Variants in OXNAD1 observed in about 807,000 individuals in gnomAD.
OXNAD1 encodes oxidoreductase NAD binding domain containing 1.
In OXNAD1, 34 loss-of-function variants were observed where a neutral mutation model predicts 32.9. The ratio of observed to expected loss-of-function variants is 1.03; its 90% CI spans 0.79 to 1.38. OXNAD1 has a LOEUF of 1.38. Ranked by LOEUF, OXNAD1 falls within the 40% of genes most tolerant of loss-of-function variation. OXNAD1 has a pLI of 0.00. For missense variants in OXNAD1, 407 were observed against 379.4 expected, an observed-to-expected ratio of 1.07 and a Z score of -0.60; for synonymous variants, 134 against 135.2, an observed-to-expected ratio of 0.99 and a Z score of 0.06.
chr3:16,326,911 G>C (rs2069758262), intron 9 of OXNAD1: 1 of 1,534,540 alleles, frequency 6.5e-7, no homozygotes, highest in Non-Finnish European at 9.0e-7. Context: ...GGCTGCTGCT[G>C]CCACAAGCCA....
chr3:16,325,979 A>T (rs1229113425), intron 9 of OXNAD1, among the ~76,000 whole-genome samples: 1 of 152,244 alleles, frequency 6.6e-6, no homozygotes, highest in African/African-American at 2.4e-5. Flanking sequence ...CTGATTCTGC[A>T]GACTGAGGTT....
Position 16,305,749 on chromosome 3 carries a change from C to T in OXNAD1, c.*2187C>T, listed in dbSNP as rs534020951. 2.0e-5 allele frequency: 3 copies of T among 152,234 alleles called. No homozygotes were observed. The highest frequency in any genetic ancestry group is 7.2e-5 in the African/African-American group (3 of 41,522). 9.4% of individuals were successfully genotyped at this position (152,234 alleles called of 1,614,324 possible). Reference sequence around the variant, plus strand: ...AGCAAGTCACTTAACTGCTCTATGCCTCATTTAAAATTACATACAACTACA... The same window carrying T: ...AGCAAGTCACTTAACTGCTCTATGCTTCATTTAAAATTACATACAACTACA... On this transcript the variant is annotated 3_prime_UTR_variant, in exon 9 of 9. Coordinates refer to ENST00000285083, the MANE Select transcript of OXNAD1 (RefSeq NM_138381.5). The surrounding 1 kb of genome is among the most constrained non-coding windows in gnomAD (Gnocchi z 4.5).
chr3:16,278,559 C>G (rs1435918469), intron 4 of OXNAD1, among the ~76,000 whole-genome samples: 1 of 152,214 alleles, frequency 6.6e-6, no homozygotes, highest in African/African-American at 2.4e-5. Flanking sequence ...CTTTCACTCT[C>G]AAAATTATTC....
downstream of OXNAD1, among the ~76,000 whole-genome samples, chr3:16,351,519 G>T (rs1359566792): frequency 3.3e-5 from 5 of 152,162 alleles, no homozygotes; most frequent in Admixed American, 3.3e-4. This position sits in a 1 kb window ranked among gnomAD's most constrained non-coding sequence, Gnocchi z 5.4. Flanking sequence ...AAGTCTGCGG[G>T]GTTGCAGAGG....
At position 16,304,479 on chromosome 3, in the gene OXNAD1, G is replaced by GT. The variant is rs369328842; in HGVS notation, c.*921dup. 29 of 152,356 alleles carry GT rather than the reference G, an allele frequency of 1.9e-4. No homozygotes were observed. Among genetic ancestry groups the GT allele is most frequent in the African/African-American group, 6.7e-4 (28 of 41,592 alleles). 9.4% of individuals were successfully genotyped at this position (152,356 alleles called of 1,614,324 possible). A position where few individuals can be genotyped will look rare whatever the true frequency, so the allele number is the denominator to read the frequency against. ...GAATGACTGAAAGAAAGCAACTAAT[G>GT]TTTTAACTCCTTGCTAAGTCTGAGA... On this transcript the variant is annotated 3_prime_UTR_variant, in exon 9 of 9. Coordinates refer to ENST00000285083, the MANE Select transcript of OXNAD1 (RefSeq NM_138381.5). This position sits in a 1 kb window ranked among gnomAD's most constrained non-coding sequence, Gnocchi z 4.6.
chr3:16,328,426 A>C (rs1011310916), intron 9 of OXNAD1, among the ~76,000 whole-genome samples: 1 of 152,182 alleles, frequency 6.6e-6, no homozygotes, highest in Non-Finnish European at 1.5e-5. Flanking sequence ...GGCGAGTGGG[A>C]TGGAAGGCAG....
intron 6 of OXNAD1, among the ~76,000 whole-genome samples, chr3:16,300,013 G>A (rs2067066445): frequency 6.6e-6 from 1 of 152,154 alleles, no homozygotes; most frequent in Non-Finnish European, 1.5e-5. Context: ...CATTTTCCAG[G>A]GGTGGCAGAT....
At chr3:16,268,174 T>G (rs2124956922) in intron 1 of OXNAD1, among the ~76,000 whole-genome samples, 1 of 152,258 alleles carries the variant, frequency 6.6e-6, no homozygotes, top group Admixed American at 6.5e-5. Context: ...TTTTTATATT[T>G]TATTTAAAGG....
At chr3:16,300,932 A>T (rs995057096) in intron 6 of OXNAD1, among the ~76,000 whole-genome samples, 1 of 152,132 alleles carries the variant, frequency 6.6e-6, no homozygotes, top group African/African-American at 2.4e-5. Flanking sequence ...AAGCAGTAGC[A>T]CCCCCACTGA....
chr3:16,320,578 C>T lies in OXNAD1; in HGVS notation c.*31-16534C>T, dbSNP rs994196057. ...AATAATGATCACAAATAACTAAAAG[C>T]CCAAAGGAGAGCTCTGAAGGAGAAG... is the stretch of plus-strand genomic sequence containing the variant. On this transcript the variant is annotated intron_variant, in intron 9 of 9. Transcript: ENST00000435829. The surrounding 1 kb of genome is among the most constrained non-coding windows in gnomAD (Gnocchi z 4.5). 6.6e-6 allele frequency among the ~76,000 whole-genome samples: 1 copy of T among 152,186 alleles called. No individual in the cohort carries two copies. The highest frequency in any genetic ancestry group is 2.4e-5 in the African/African-American group (1 of 41,436).
Position 16,327,339 on chromosome 3 carries a change from C to G in OXNAD1, c.*31-9773C>G, listed in dbSNP as rs690085. Among the ~76,000 whole-genome samples the G allele has an allele frequency of 6.6e-6, 1 of 152,032 alleles. No homozygotes were observed. The highest frequency in any genetic ancestry group is 1.5e-5 in the Non-Finnish European group (1 of 67,994). ...ACAGCAACACACACATGCACATCCA[C>G]ATGTGTGTGTACACGCAGAAGCTGC... On this transcript the variant is annotated intron_variant, in intron 9 of 9. Coordinates refer to the OXNAD1 transcript ENST00000435829. The surrounding 1 kb of genome is among the most constrained non-coding windows in gnomAD (Gnocchi z 4.2).
chr3:16,292,910 T>G (rs1225311218), intron 5 of OXNAD1, among the ~76,000 whole-genome samples: 1 of 152,212 alleles, frequency 6.6e-6, no homozygotes, highest in Non-Finnish European at 1.5e-5. Flanking sequence ...TACAACAGCA[T>G]TTTCATTACT....
rs573689460 is a variant in OXNAD1, at chr3:16,302,528, C to G, written c.676-112C>G. 4 of 703,544 alleles carry G rather than the reference C, an allele frequency of 5.7e-6. No homozygotes were observed. Among genetic ancestry groups the G allele is most frequent in the Middle Eastern group, 3.9e-4 (1 of 2,554 alleles). The allele number at this position is 703,544 out of a possible 1,614,324, so 43.6% of individuals were successfully genotyped here. ...AAACAATATCTCTCTAAGTAGAGAG[C>G]GAGAGCGGCAGACGTGTGCAGAATG... On this transcript the variant is annotated intron_variant, in intron 7 of 8. Coordinates refer to ENST00000285083, the MANE Select transcript of OXNAD1 (RefSeq NM_138381.5). The surrounding 1 kb of genome is among the most constrained non-coding windows in gnomAD (Gnocchi z 4.2).
rs1452069865 is a variant in OXNAD1, at chr3:16,301,147, T to G, written c.433-479T>G. Among the ~76,000 whole-genome samples the G allele has an allele frequency of 6.6e-6, 1 of 152,230 alleles. No individual in the cohort carries two copies. Among genetic ancestry groups the G allele is most frequent in the African/African-American group, 2.4e-5 (1 of 41,464 alleles). On this transcript the variant is annotated intron_variant, in intron 6 of 8. Coordinates refer to ENST00000285083, the MANE Select transcript of OXNAD1 (RefSeq NM_138381.5). This position sits in a 1 kb window ranked among gnomAD's most constrained non-coding sequence, Gnocchi z 4.1. ...TAGAGCTGGTCTGGCTGTGCCTTAC[T>G]GAGGATCAAGAAGGAGCACCAGTAC...
At position 16,302,658 on chromosome 3, in the gene OXNAD1, G is replaced by A. The variant is rs367677916; in HGVS notation, c.694G>A (p.Val232Ile). ...ATTCCAGAAAAATATCCTTGATTTA[G>A]TAAATGAATTTCCTGAGAAGATTGC... ...LLFKKNILDLVNEFPEKIACS... is the reference protein window; with the variant it reads ...LLFKKNILDLINEFPEKIACS... Residue 232 changes from valine (V) to isoleucine (I), a missense_variant, in exon 8 of 9, where the codon GTA (valine) becomes ATA (isoleucine). Coordinates refer to ENST00000285083, the MANE Select transcript of OXNAD1 (RefSeq NM_138381.5). This position sits in a 1 kb window ranked among gnomAD's most constrained non-coding sequence, Gnocchi z 4.2. 5 of 1,611,392 alleles carry A rather than the reference G, an allele frequency of 3.1e-6. No homozygotes were observed. Among genetic ancestry groups the A allele is most frequent in the East Asian group, 2.2e-5 (1 of 44,740 alleles).
In OXNAD1 at chr3:16,290,748, C is replaced by T. The variant is rs1321285443; in HGVS notation, c.291-4108C>T. 6.6e-6 allele frequency among the ~76,000 whole-genome samples: 1 copy of T among 152,174 alleles called. No homozygotes were observed. The highest frequency in any genetic ancestry group is 1.5e-5 in the Non-Finnish European group (1 of 68,026). ...CCAAAGACCTTTTCTGGAGCACTTC[C>T]AATCCAGAACTGGTTTTTAAACACT... is the stretch of plus-strand genomic sequence containing the variant. On this transcript the variant is annotated intron_variant, in intron 5 of 8. Coordinates refer to ENST00000285083, the MANE Select transcript of OXNAD1 (RefSeq NM_138381.5). The surrounding 1 kb of genome is among the most constrained non-coding windows in gnomAD (Gnocchi z 4.2).
chr3:16,282,505 TCTAG>T (rs2065816467), intron 4 of OXNAD1, among the ~76,000 whole-genome samples: 2 of 152,292 alleles, frequency 1.3e-5, no homozygotes, highest in South Asian at 4.1e-4. Flanking sequence ...CTGTGCTTCA[TCTAG>T]GGAGTTGACT....
rs1575092052 is a variant in OXNAD1 at position 16,284,261 on chromosome 3, A to G, written c.184-2081A>G. On this transcript the variant is annotated intron_variant, in intron 4 of 8. Transcript: ENST00000285083. The surrounding 1 kb of genome is among the most constrained non-coding windows in gnomAD (Gnocchi z 4.1). ...ATATAGTTATAAATGAATAAAATGT[A>G]ATATATAATGTAAACAAATGCTAAT... 1.3e-5 allele frequency among the ~76,000 whole-genome samples: 2 copies of G among 152,224 alleles called. No homozygotes were observed. The highest frequency in any genetic ancestry group is 2.9e-5 in the Non-Finnish European group (2 of 68,048).
chr3:16,311,656 T>C (rs1177445283), intron 9 of OXNAD1, among the ~76,000 whole-genome samples: 1 of 152,168 alleles, frequency 6.6e-6, no homozygotes, highest in Non-Finnish European at 1.5e-5. Flanking sequence ...CACTTTTGCT[T>C]CTGAATAACT....
Sources: allele counts gnomAD v4.1 joint callset (sites outside exome capture counted in the v4.1 genomes callset), GRCh38; gene constraint gnomAD v4.1.1; non-coding constraint Gnocchi (gnomAD v3.1); transcripts MANE v1.5; gene names NCBI Gene and HGNC (gene_info 2026-07-23, HGNC 2026-07-21).